The following TRPM4 variants were observed in gnomAD, a reference collection of about 807,000 sequenced individuals.
The protein encoded by TRPM4 is transient receptor potential cation channel subfamily M member 4.
Under a neutral mutation model 135.6 loss-of-function variants are expected in TRPM4, and 124 were observed. That is an observed-to-expected ratio of 0.91 (90% confidence interval 0.79 to 1.06). The LOEUF (loss-of-function observed/expected upper bound fraction) is 1.06, where lower values mean the gene tolerates loss of function less well. Ranked by LOEUF, TRPM4 falls within the 50% of genes least tolerant of loss-of-function variation. The pLI is 0.00. For missense variants in TRPM4, 1,658 were observed against 1,671.4 expected, an observed-to-expected ratio of 0.99 and a Z score of 0.14; for synonymous variants, 745 against 705.6, an observed-to-expected ratio of 1.06 and a Z score of -0.88.
At position 49,210,160 on chromosome 19, in the gene TRPM4, C is replaced by T. The variant is rs750546555; in HGVS notation, c.3132-49C>T. 6.3e-6 allele frequency: 10 copies of T among 1,599,362 alleles called. No homozygotes were observed. The highest frequency in any genetic ancestry group is 2.2e-5 in the South Asian group (2 of 90,776). On this transcript the variant is annotated intron_variant, in intron 20 of 24. Coordinates refer to ENST00000252826, the MANE Select transcript of TRPM4 (RefSeq NM_017636.4). The surrounding 1 kb of genome is among the most constrained non-coding windows in gnomAD (Gnocchi z 4.1). ...CTGGCATCTAACCTTCGTCCTTGCC[C>T]CTGGCTGGGCCCTGACCTCAAGTGA... is the stretch of plus-strand genomic sequence containing the variant.
rs546621128 is a variant in TRPM4 at position 49,183,229 on chromosome 19, C to T, written c.1743+17C>T. 29 of 1,613,886 alleles carry T rather than the reference C, an allele frequency of 1.8e-5. No individual in the cohort carries two copies. The highest frequency in any genetic ancestry group is 5.0e-5 in the Admixed American group (3 of 60,010). ...TGGGAGATGGTGAGTGCTGACTTGG[C>T]GCTCCTGCATCCCTGTCCTTTAGGC... On this transcript the variant is annotated intron_variant, in intron 12 of 24. Coordinates refer to ENST00000252826, the MANE Select transcript of TRPM4 (RefSeq NM_017636.4).
At chr19:49,196,920 A>C in intron 17 of TRPM4, 46 bp downstream of exon 17, 2 of 1,526,878 alleles carry the variant, frequency 1.3e-6, no homozygotes, top group Non-Finnish European at 1.8e-6. Flanking sequence ...GCCACCTCTC[A>C]TCCTTCCTGC....
At chr19:49,162,305 G>T (rs1201319670) in intron 2 of TRPM4, among the ~76,000 whole-genome samples, 1 of 152,094 alleles carries the variant, frequency 6.6e-6, no homozygotes, top group South Asian at 2.1e-4. Context: ...TTGAGAGGCC[G>T]AGGTGGGCTG....
At chr19:49,190,363 G>A in intron 15 of TRPM4, 43 bp downstream of exon 15, 2 of 1,558,814 alleles carry the variant, frequency 1.3e-6, no homozygotes, top group Non-Finnish European at 1.8e-6. Context: ...GGGGCGGGGT[G>A]CTCAGTTTCT....
In TRPM4 at chr19:49,202,109, C is replaced by T. The variant is rs1278993777; in HGVS notation, c.3099C>T (p.Ile1033=). Residue 1033 remains isoleucine, a synonymous_variant, in exon 20 of 25, where the codon ATC becomes ATT. Transcript: ENST00000252826. ...LLVIFLLVAN[I]LLVNLLIAMF... is the part of the protein sequence containing the mutation. ...TCATCTTCCTGCTCGTGGCCAACATCCTGCTGGTCAACTTGCTCATTGCCA... is the reference window on the plus strand; with the variant it reads ...TCATCTTCCTGCTCGTGGCCAACATTCTGCTGGTCAACTTGCTCATTGCCA... 11 of 1,614,110 alleles carry T rather than the reference C, an allele frequency of 6.8e-6. No homozygotes were observed. Among genetic ancestry groups the T allele is most frequent in the Non-Finnish European group, 8.5e-6 (10 of 1,180,042 alleles).
intron 19 of TRPM4, 90 bp from the exon 20 acceptor site, chr19:49,201,874 T>C: frequency 1.4e-6 from 2 of 1,390,966 alleles, no homozygotes; most frequent in South Asian, 2.3e-5. Context: ...GTGCTGGGAT[T>C]ACAGGCGTGA....
Position 49,210,675 on chromosome 19 carries a change from T to C in TRPM4, c.3329-35T>C, listed in dbSNP as rs772072748. On this transcript the variant is annotated intron_variant, in intron 21 of 24. Transcript: ENST00000252826. This position sits in a 1 kb window ranked among gnomAD's most constrained non-coding sequence, Gnocchi z 4.1. ...GGGCAGCTGGGATTGGGAAGGGGCG[T>C]GGCCTGAGCCCTTTGACTCCGCCCG... 5 of 1,613,586 alleles carry C rather than the reference T, an allele frequency of 3.1e-6. No homozygotes were observed. The highest frequency in any genetic ancestry group is 4.2e-6 in the Non-Finnish European group (5 of 1,179,960).
chr19:49,208,792 T>C (rs1969243974), intron 20 of TRPM4, among the ~76,000 whole-genome samples: 1 of 152,026 alleles, frequency 6.6e-6, no homozygotes, highest in Non-Finnish European at 1.5e-5. Context: ...ACCCCATCTT[T>C]ACTAAAAATA....
chr19:49,177,430 C>T (rs1262313980), intron 9 of TRPM4, among the ~76,000 whole-genome samples: 3 of 149,900 alleles, frequency 2.0e-5, no homozygotes, highest in Non-Finnish European at 4.4e-5. Flanking sequence ...CGGGTTCAAG[C>T]GATTGTCCTG....
Position 49,211,308 on chromosome 19 carries a change from G to A in TRPM4, c.3640+39G>A. The A allele has an allele frequency of 1.3e-6, 2 of 1,579,268 alleles. No individual in the cohort carries two copies. Among genetic ancestry groups the A allele is most frequent in the South Asian group, 1.1e-5 (1 of 88,702 alleles). On this transcript the variant is annotated intron_variant, in intron 24 of 24. Transcript: ENST00000252826. The surrounding 1 kb of genome is among the most constrained non-coding windows in gnomAD (Gnocchi z 4.8). ...ATCAGCCTGTGCATCTCCAGCCTCT[G>A]TTCCTGTATTTTTGCGTGTTTTTCT...
chr19:49,206,503 G>A (rs952324126), intron 20 of TRPM4, among the ~76,000 whole-genome samples: 4 of 149,424 alleles, frequency 2.7e-5, no homozygotes, highest in Admixed American at 1.3e-4. Flanking sequence ...GCAATGGCGC[G>A]ATCTCAGCTC....
At position 49,158,239 on chromosome 19, in the gene TRPM4, A is replaced by C; in HGVS notation, c.72A>C (p.Ile24=). ...IFKKKTCTTF[I]VDSTDPGGTL... ...AGAAGAAGACCTGCACGACGTTCAT[A>C]GTTGACTCCACAGATCCGGGGTGAG... is the stretch of plus-strand genomic sequence containing the variant. Residue 24 remains isoleucine (I), a synonymous_variant, in exon 2 of 25, where the codon ATA becomes ATC. Coordinates refer to ENST00000252826, the MANE Select transcript of TRPM4 (RefSeq NM_017636.4). The C allele has an allele frequency of 6.2e-7, 1 of 1,613,886 alleles. No individual in the cohort carries two copies. Among genetic ancestry groups the C allele is most frequent in the Non-Finnish European group, 8.5e-7 (1 of 1,179,962 alleles).
chr19:49,164,772 C>T (rs1183972853), intron 2 of TRPM4, among the ~76,000 whole-genome samples: 1 of 151,350 alleles, frequency 6.6e-6, no homozygotes, highest in Non-Finnish European at 1.5e-5. Flanking sequence ...ACTCTGTTGC[C>T]CAGGTTGGAG....
intron 20 of TRPM4, among the ~76,000 whole-genome samples, chr19:49,205,562 G>T (rs1167760229): frequency 2.3e-5 from 3 of 129,524 alleles, no homozygotes; most frequent in Non-Finnish European, 4.8e-5. Flanking sequence ...TGGAGACAGA[G>T]TCTTGCTCTG....
intron 9 of TRPM4, among the ~76,000 whole-genome samples, chr19:49,179,269 G>A (rs532286025): frequency 1.3e-5 from 2 of 151,668 alleles, no homozygotes; most frequent in Non-Finnish European, 2.9e-5. Context: ...TGGTCAGGCT[G>A]GTCTCGAACT....
At chr19:49,161,413 G>A (rs953386390) in intron 2 of TRPM4, among the ~76,000 whole-genome samples, 3 of 140,608 alleles carry the variant, frequency 2.1e-5, no homozygotes, top group Non-Finnish European at 4.5e-5. Flanking sequence ...GCCTTGACCT[G>A]CTGGGCTCAA....
Position 49,169,130 on chromosome 19 carries a change from G to GTCACACCT in TRPM4, c.796+395_796+396insCACACCTT, listed in dbSNP as rs1967353140. Among the ~76,000 whole-genome samples, 4 of 151,230 alleles carry GTCACACCT rather than the reference G, an allele frequency of 2.6e-5. No individual in the cohort carries two copies. In the South Asian group the frequency reaches 8.4e-4, roughly 32 times the overall value. ...TGAGAGAACTGCTTGAACCCGGGAG[G>GTCACACCT]TGGAGGTTGCAGTGAGCCGAGATCA... On this transcript the variant is annotated intron_variant, in intron 6 of 24. Transcript: ENST00000252826.
intron 20 of TRPM4, among the ~76,000 whole-genome samples, chr19:49,206,198 G>T (rs796785661): frequency 9.9e-5 from 15 of 152,016 alleles, no homozygotes; most frequent in African/African-American, 3.6e-4. Context: ...CCTGACCTCA[G>T]GTGATCTGCC....
In TRPM4 at chr19:49,167,940, G is replaced by A. The variant is rs886054576; in HGVS notation, c.291G>A (p.Thr97=). The A allele has an allele frequency of 1.2e-5, 20 of 1,613,968 alleles. No homozygotes were observed. In the East Asian group the frequency reaches 4.2e-4, roughly 34 times the overall value. ...HSNFLRLSDR[T]DPAAVYSLVT... is the part of the protein sequence containing the mutation. ...AGTTCCTCCGGCTCTCTGACCGAAC[G>A]GATCCAGCTGCAGTTTATAGTCTGG... is the stretch of plus-strand genomic sequence containing the variant. Residue 97 remains threonine (T), a synonymous_variant, in exon 4 of 25, where the codon ACG becomes ACA. Coordinates refer to ENST00000252826, the MANE Select transcript of TRPM4 (RefSeq NM_017636.4).
Sources: gnomAD v4.1 joint callset for allele counts (sites outside exome capture counted in the v4.1 genomes callset) on GRCh38, gnomAD v4.1.1 for gene constraint, Gnocchi (gnomAD v3.1) non-coding constraint, MANE v1.5 for transcripts, NCBI Gene and HGNC (gene_info 2026-07-23, HGNC 2026-07-21) for gene names.